ROBO1: variants seen among roughly 807,000 people sequenced by gnomAD.
The protein encoded by ROBO1 is roundabout homolog 1.
ROBO1 carries 149 observed loss-of-function variants against 195.9 expected under a neutral mutation model. The observed-to-expected ratio is 0.76, with a 90% CI of 0.67 to 0.87. ROBO1 has a LOEUF of 0.87. ROBO1 is among the 40% of genes least tolerant of loss of function. The probability of loss-of-function intolerance (pLI) is 0.00; values close to 1 mark genes in which losing one functional copy is unlikely to be tolerated. For missense variants in ROBO1, 1,933 were observed against 2,068.3 expected (o/e 0.93, Z 1.27); for synonymous variants, 816 against 733.2 (o/e 1.11, Z -1.82).
In ROBO1 at chr3:78,746,771, G is replaced by A. The variant is rs776559906; in HGVS notation, c.629C>T (p.Pro210Leu). Reference protein sequence around the residue: ...PTISWKKDGSPLDDKDERITI... With the variant: ...PTISWKKDGSLLDDKDERITI... Reference sequence around the variant, plus strand: ...TATTCTTTCATCTTTATCATCCAGTGGAGAGCCATCTTTCTTCCATGAAAT... The same window carrying A: ...TATTCTTTCATCTTTATCATCCAGTAGAGAGCCATCTTTCTTCCATGAAAT... Residue 210 changes from proline (P) to leucine (L), a missense_variant, in exon 5 of 31, where the codon CCA (proline) becomes CTA (leucine). Coordinates refer to ENST00000464233, the MANE Select transcript of ROBO1 (RefSeq NM_002941.4). 29 of 1,571,468 alleles carry A rather than the reference G, an allele frequency of 1.8e-5. No homozygotes were observed. Among genetic ancestry groups the A allele is most frequent in the African/African-American group, 2.7e-5 (2 of 74,090 alleles).
intron 1 of ROBO1, among the ~76,000 whole-genome samples, chr3:79,744,489 G>A (rs1249257269): frequency 1.3e-5 from 2 of 152,138 alleles, no homozygotes; most frequent in Non-Finnish European, 2.9e-5. Flanking sequence ...TGGGGATGGA[G>A]TCCTCTTGAA....
intron 26 of ROBO1, among the ~76,000 whole-genome samples, chr3:78,624,879 G>T (rs1341125589): frequency 6.6e-6 from 1 of 152,022 alleles, no homozygotes; most frequent in Admixed American, 6.6e-5. Context: ...TGCTTACCAG[G>T]CAATCAGAAA....
intron 2 of ROBO1, among the ~76,000 whole-genome samples, chr3:79,250,570 G>T (rs1009855679): frequency 2.0e-5 from 3 of 151,646 alleles, no homozygotes; most frequent in Admixed American, 1.3e-4. Context: ...GTGTGGGGGG[G>T]GTTCTGTATC....
chr3:79,416,089 AAT>A (rs2037989366), intron 2 of ROBO1, among the ~76,000 whole-genome samples: 1 of 152,172 alleles, frequency 6.6e-6, no homozygotes, highest in South Asian at 2.1e-4. Flanking sequence ...ACATAAAAAA[AAT>A]AACACTTCAA....
At chr3:79,528,141 A>T (rs1263429384) in intron 2 of ROBO1, among the ~76,000 whole-genome samples, 2 of 152,196 alleles carry the variant, frequency 1.3e-5, no homozygotes, top group Non-Finnish European at 2.9e-5. Flanking sequence ...AGAGCAGATT[A>T]ATGAAGTGTA....
At chr3:79,114,923 G>T (rs2108543421) in intron 3 of ROBO1, among the ~76,000 whole-genome samples, 1 of 152,286 alleles carries the variant, frequency 6.6e-6, no homozygotes, top group South Asian at 2.1e-4. Flanking sequence ...ATTGTTCAGT[G>T]TTGGGATGTG....
chr3:79,247,307 C>T (rs1215999258), intron 2 of ROBO1, among the ~76,000 whole-genome samples: 3 of 149,640 alleles, frequency 2.0e-5, no homozygotes, highest in Admixed American at 6.8e-5. Context: ...GCAACAACTA[C>T]TACTACTACT....
chr3:79,073,788 G>A (rs1298879067), intron 3 of ROBO1, among the ~76,000 whole-genome samples: 1 of 151,266 alleles, frequency 6.6e-6, no homozygotes, highest in African/African-American at 2.4e-5. Flanking sequence ...ATAGATCATC[G>A]GAAAATGGCA....
In ROBO1 at chr3:79,490,396, A is replaced by G. The variant is rs374793680; in HGVS notation, c.88+99428T>C. Among the ~76,000 whole-genome samples, 167 of 152,296 alleles carry G rather than the reference A, an allele frequency of 1.1e-3. 4 individuals are homozygous for G. The South Asian group carries it at 0.034, about 31-fold the overall frequency. On this transcript the variant is annotated intron_variant, in intron 2 of 30. Coordinates refer to ENST00000464233, the MANE Select transcript of ROBO1 (RefSeq NM_002941.4). The stretch of plus-strand genomic sequence containing the variant: ...GTGGATTCCCCTTCATCTTTGTATA[A>G]GAAACACTTTTTACCTCCTGGCCTT...
At chr3:79,081,569 G>T (rs1427425689) in intron 3 of ROBO1, among the ~76,000 whole-genome samples, 1 of 152,150 alleles carries the variant, frequency 6.6e-6, no homozygotes, top group East Asian at 1.9e-4. Context: ...TCCTTTTTGA[G>T]ATTCTGTGAA....
intron 2 of ROBO1, among the ~76,000 whole-genome samples, chr3:79,291,276 GC>G (rs1184596108): frequency 1.3e-5 from 2 of 151,898 alleles, no homozygotes; most frequent in Non-Finnish European, 2.9e-5. Flanking sequence ...CATCATGTTG[GC>G]CCCTAACTGG....
chr3:78,636,789 G>GA (rs1249856689), intron 22 of ROBO1, among the ~76,000 whole-genome samples: 1 of 150,824 alleles, frequency 6.6e-6, no homozygotes, highest in Non-Finnish European at 1.5e-5. Flanking sequence ...ATAACAAAAG[G>GA]AATCATAGTA....
At chr3:79,465,131 C>T (rs994961389) in intron 2 of ROBO1, among the ~76,000 whole-genome samples, 1 of 152,108 alleles carries the variant, frequency 6.6e-6, no homozygotes, top group Non-Finnish European at 1.5e-5. Context: ...TGTTGTATTG[C>T]ATAAACATTT....
intron 3 of ROBO1, among the ~76,000 whole-genome samples, chr3:79,030,694 T>A (rs559963626): frequency 6.6e-6 from 1 of 152,206 alleles, no homozygotes; most frequent in African/African-American, 2.4e-5. Context: ...TAGAGCTTTA[T>A]ATAAAGAGGC....
chr3:79,126,057 G>T (rs564611590), intron 2 of ROBO1, among the ~76,000 whole-genome samples: 4 of 152,254 alleles, frequency 2.6e-5, no homozygotes, highest in African/African-American at 9.6e-5. Context: ...GAGGGAGGAT[G>T]ATAAAAATGT....
chr3:79,262,341 G>GA (rs566739954), intron 2 of ROBO1, among the ~76,000 whole-genome samples: 4 of 152,066 alleles, frequency 2.6e-5, no homozygotes, highest in Admixed American at 6.6e-5. Context: ...CAAGTTTGGG[G>GA]AAAAAACTGA....
intron 3 of ROBO1, among the ~76,000 whole-genome samples, chr3:78,992,349 C>T (rs183849358): frequency 6.6e-6 from 1 of 152,154 alleles, no homozygotes; most frequent in East Asian, 1.9e-4. Context: ...GAAGGTGGCT[C>T]AATAAGACTG....
At chr3:78,996,795 T>C (rs2108099260) in intron 3 of ROBO1, among the ~76,000 whole-genome samples, 1 of 152,238 alleles carries the variant, frequency 6.6e-6, no homozygotes, top group South Asian at 2.1e-4. Context: ...GCTACAAATA[T>C]TGTTTGTGTG....
intron 10 of ROBO1, among the ~76,000 whole-genome samples, chr3:78,675,277 A>G (rs998478870): frequency 6.6e-6 from 1 of 152,008 alleles, no homozygotes; most frequent in Non-Finnish European, 1.5e-5. Flanking sequence ...TATCTGAGGT[A>G]CCGGGTTCAT....
Sources: gnomAD v4.1 joint callset for allele counts (sites outside exome capture counted in the v4.1 genomes callset) on GRCh38, gnomAD v4.1.1 for gene constraint, MANE v1.5 for transcripts, NCBI Gene and HGNC (gene_info 2026-07-23, HGNC 2026-07-21) for gene names.